The following TECRL variants were observed in gnomAD, a reference collection of about 807,000 sequenced individuals.
TECRL encodes the protein trans-2,3-enoyl-CoA reductase-like.
In TECRL, 63 loss-of-function variants were observed where a neutral mutation model predicts 52.8. The observed-to-expected ratio is 1.19, with a 90% confidence interval of 0.97 to 1.47. The LOEUF is 1.47. TECRL is among the 40% of genes most tolerant of loss of function. The pLI is 0.00. For synonymous variants in TECRL, 164 were observed against 141.9 expected (o/e 1.16, Z -1.10); for missense variants, 482 against 429.6 (o/e 1.12, Z -1.08).
intron 2 of TECRL, among the ~76,000 whole-genome samples, chr4:64,374,719 T>C (rs1339308173): frequency 2.0e-5 from 3 of 152,118 alleles, no homozygotes; most frequent in Non-Finnish European, 4.4e-5. Flanking sequence ...GCTTCATCCA[T>C]GTCCCTACAA....
chr4:64,337,529 C>T (rs1440005689), intron 2 of TECRL, among the ~76,000 whole-genome samples: 2 of 152,222 alleles, frequency 1.3e-5, no homozygotes, highest in African/African-American at 2.4e-5. Context: ...TAGAAAACCC[C>T]ATCATCTCAG....
At chr4:64,312,076 T>C (rs1458649818) in intron 5 of TECRL, among the ~76,000 whole-genome samples, 2 of 152,076 alleles carry the variant, frequency 1.3e-5, no homozygotes, top group Non-Finnish European at 2.9e-5. Context: ...TGTGCGGAGG[T>C]TTCTAAGTGA....
intron 9 of TECRL, among the ~76,000 whole-genome samples, chr4:64,284,241 A>C (rs147670105): frequency 6.6e-6 from 1 of 152,228 alleles, no homozygotes; most frequent in Non-Finnish European, 1.5e-5. Flanking sequence ...GCAATGGCCC[A>C]CAATAAGCAA....
chr4:64,389,170 G>A (rs1010947032), intron 1 of TECRL, among the ~76,000 whole-genome samples: 15 of 151,920 alleles, frequency 9.9e-5, no homozygotes, highest in African/African-American at 3.6e-4. Flanking sequence ...GCAGTGGTGA[G>A]ACTAAACATC....
At chr4:64,365,311 G>A (rs577719111) in intron 2 of TECRL, among the ~76,000 whole-genome samples, 1 of 151,762 alleles carries the variant, frequency 6.6e-6, no homozygotes, top group African/African-American at 2.4e-5. Context: ...CATTCCACCC[G>A]ATACCGTAAA....
At position 64,279,732 on chromosome 4, in the gene TECRL, C is replaced by T. The variant is rs889507292; in HGVS notation, c.*340G>A. The T allele has an allele frequency of 8.7e-6, 8 of 917,920 alleles. No homozygotes were observed. The highest frequency in any genetic ancestry group is 8.9e-6 in the Non-Finnish European group (7 of 785,020). 56.9% of individuals were successfully genotyped at this position (917,920 alleles called of 1,614,324 possible). On this transcript the variant is annotated 3_prime_UTR_variant, in exon 12 of 12. Transcript: ENST00000381210. ...TCCTTTGGGAAATGTCTGTTCAGAT[C>T]GCTTTTTCATTTGTTAATCAGATTT... is the stretch of plus-strand genomic sequence containing the variant.
intron 1 of TECRL, among the ~76,000 whole-genome samples, chr4:64,408,910 T>TA (rs769770270): frequency 4.6e-5 from 7 of 152,250 alleles, no homozygotes; most frequent in Non-Finnish European, 8.8e-5. Context: ...ACCATTTAAT[T>TA]AATTTAAATT....
intron 1 of TECRL, among the ~76,000 whole-genome samples, chr4:64,402,675 G>A (rs1028455538): frequency 2.6e-5 from 4 of 152,054 alleles, no homozygotes; most frequent in Non-Finnish European, 5.9e-5. Context: ...TGTGTATTGA[G>A]CCTGATAAGT....
intron 2 of TECRL, among the ~76,000 whole-genome samples, chr4:64,339,555 C>T (rs995841648): frequency 1.6e-4 from 25 of 151,982 alleles, no homozygotes; most frequent in African/African-American, 6.0e-4. Flanking sequence ...GTCTAATGTT[C>T]TTTCCACCTA....
intron 2 of TECRL, among the ~76,000 whole-genome samples, chr4:64,354,180 A>G (rs1280417578): frequency 6.6e-6 from 1 of 152,184 alleles, no homozygotes; most frequent in Non-Finnish European, 1.5e-5. Flanking sequence ...GGAAGTGATG[A>G]CATTGCTATC....
At chr4:64,369,775 C>T (rs2109653604) in intron 2 of TECRL, among the ~76,000 whole-genome samples, 1 of 151,742 alleles carries the variant, frequency 6.6e-6, no homozygotes, top group East Asian at 1.9e-4. Context: ...AACTGTGCTA[C>T]AATAGAAATA....
chr4:64,281,345 C>A, intron 10 of TECRL, 129 bp downstream of exon 10: 1 of 633,052 alleles, frequency 1.6e-6, no homozygotes, highest in Non-Finnish European at 2.7e-6. Flanking sequence ...TTTGTTATAC[C>A]ATGATCTGTG....
intron 2 of TECRL, among the ~76,000 whole-genome samples, chr4:64,363,835 C>G (rs754548344): frequency 1.1e-4 from 16 of 152,074 alleles, no homozygotes; most frequent in Non-Finnish European, 1.8e-4. Flanking sequence ...AATTTTGCTT[C>G]TAAGAGAAGT....
chr4:64,305,600 G>A (rs1724290239), intron 6 of TECRL, among the ~76,000 whole-genome samples: 1 of 152,126 alleles, frequency 6.6e-6, no homozygotes, highest in Non-Finnish European at 1.5e-5. Context: ...TTGCTCAAAA[G>A]GGACTTTCCA....
At chr4:64,339,783 C>G (rs565647198) in intron 2 of TECRL, among the ~76,000 whole-genome samples, 3 of 152,124 alleles carry the variant, frequency 2.0e-5, no homozygotes, top group Non-Finnish European at 4.4e-5. Flanking sequence ...TAATCACCAT[C>G]TCTCCTTTCT....
intron 4 of TECRL, among the ~76,000 whole-genome samples, chr4:64,316,567 T>G (rs915129554): frequency 1.3e-5 from 2 of 152,134 alleles, no homozygotes; most frequent in Admixed American, 6.5e-5. Flanking sequence ...AAGGGCTAGA[T>G]AGACACATAT....
At chr4:64,382,390 G>A (rs1722882628) in intron 1 of TECRL, among the ~76,000 whole-genome samples, 1 of 147,912 alleles carries the variant, frequency 6.8e-6, no homozygotes, top group Non-Finnish European at 1.5e-5. Context: ...ATATAGTGTT[G>A]TTAGGTGTTT....
Position 64,375,223 on chromosome 4 carries a change from C to A in TECRL, c.235G>T (p.Val79Leu). 1.4e-6 allele frequency: 2 copies of A among 1,395,656 alleles called. No homozygotes were observed. Among genetic ancestry groups the A allele is most frequent in the South Asian group, 1.6e-5 (1 of 62,336 alleles). The allele number at this position is 1,395,656 out of a possible 1,614,324, so 86.5% of individuals were successfully genotyped here. Residue 79 changes from valine (V) to leucine (L), a missense_variant and splice_region_variant, in exon 2 of 12, where the codon GTG becomes TTG. Coordinates refer to ENST00000381210, the MANE Select transcript of TECRL (RefSeq NM_001010874.5). ...TCATGAATAGTAGATGATTGTGTCA[C>A]CTGAAAAGGAAAAGAAAATAGAGTT... ...TRKQICILDK[V>L]TQSSTIHDVK... is the part of the protein sequence containing the mutation.
At position 64,300,008 on chromosome 4, in the gene TECRL, T is replaced by C; in HGVS notation, c.740A>G (p.Asn247Ser). 6.3e-7 allele frequency: 1 copy of C among 1,578,362 alleles called. No individual in the cohort carries two copies. Among genetic ancestry groups the C allele is most frequent in the Non-Finnish European group, 8.6e-7 (1 of 1,159,418 alleles). ...HPLYTPPSFG[N>S]RQITVSAINF... ...GATAGCAGATACTGTGATTTGCCTGTTTCCAAATGCTGGAGAGTAGAAAAA... is the reference window on the plus strand; with the variant it reads ...GATAGCAGATACTGTGATTTGCCTGCTTCCAAATGCTGGAGAGTAGAAAAA... Residue 247 changes from asparagine to serine, a missense_variant, in exon 8 of 12, where the codon AAC becomes AGC. Transcript: ENST00000381210.
Sources: gnomAD v4.1 joint callset for allele counts (sites outside exome capture counted in the v4.1 genomes callset) on GRCh38, gnomAD v4.1.1 for gene constraint, MANE v1.5 for transcripts, NCBI Gene and HGNC (gene_info 2026-07-23, HGNC 2026-07-21) for gene names.